Variants in LARGE1 observed in about 807,000 individuals in gnomAD.
LARGE1 encodes xylosyl- and glucuronyltransferase LARGE1.
Under a neutral mutation model 87.6 loss-of-function variants are expected in LARGE1, and 43 were observed. The ratio of observed to expected loss-of-function variants is 0.49; its 90% CI spans 0.38 to 0.63. The LOEUF (loss-of-function observed/expected upper bound fraction) is 0.63. LARGE1 is among the 30% of genes least tolerant of loss of function. The probability of loss-of-function intolerance (pLI) is 0.00; values close to 1 mark genes in which losing one functional copy is unlikely to be tolerated. For synonymous variants in LARGE1, 434 were observed against 394.6 expected, an observed-to-expected ratio of 1.10 and a Z score of -1.18; for missense variants, 802 against 1,000.2, an observed-to-expected ratio of 0.80 and a Z score of 2.67.
chr22:33,865,915 C>G (rs902311604), intron 1 of LARGE1, among the ~76,000 whole-genome samples: 1 of 117,576 alleles, frequency 8.5e-6, no homozygotes, highest in African/African-American at 3.2e-5. Context: ...GTGGCATGAT[C>G]TGAGTTCACT....
At chr22:33,103,233 A>C in the LARGE1 span, among the ~76,000 whole-genome samples, 1 of 151,922 alleles carries the variant, frequency 6.6e-6, no homozygotes, top group Non-Finnish European at 1.5e-5. Flanking sequence ...GGAGATTGAG[A>C]CCATCCTGGC....
chr22:33,193,817 AGT>A (rs1923918959), intron 11 of LARGE1, among the ~76,000 whole-genome samples: 1 of 150,144 alleles, frequency 6.7e-6, no homozygotes, highest in Non-Finnish European at 1.5e-5. Context: ...GACTATAAAA[AGT>A]AATTTATATA....
chr22:33,922,443 G>A, upstream of LARGE1: 1 of 152,358 alleles, frequency 6.6e-6, no homozygotes, highest in Non-Finnish European at 1.5e-5. Context: ...CAGCAGCAGC[G>A]CCCGCTTTGC....
At chr22:33,531,407 C>A (rs575053493) in intron 6 of LARGE1, among the ~76,000 whole-genome samples, 1 of 152,304 alleles carries the variant, frequency 6.6e-6, no homozygotes, top group Non-Finnish European at 1.5e-5. Flanking sequence ...ATCCACCCGC[C>A]TCGGCCTCCC....
intron 11 of LARGE1, among the ~76,000 whole-genome samples, chr22:33,253,445 C>T (rs5749588): frequency 6.6e-6 from 1 of 152,178 alleles, no homozygotes; most frequent in African/African-American, 2.4e-5. Context: ...GATTACATGG[C>T]TCATGCCTGT....
At chr22:33,482,693 G>T (rs1005596284) in intron 6 of LARGE1, among the ~76,000 whole-genome samples, 1 of 148,916 alleles carries the variant, frequency 6.7e-6, no homozygotes, top group Non-Finnish European at 1.5e-5. Flanking sequence ...ATGTACCCCA[G>T]AACTTAAAGT....
chr22:33,497,071 C>CTTTTTTTTTTT (rs5845088), intron 6 of LARGE1, among the ~76,000 whole-genome samples: 26 of 133,902 alleles, frequency 1.9e-4, no homozygotes, highest in African/African-American at 2.5e-4. Context: ...CTTTTCTTTT[C>CTTTTTTTTTTT]TTTTTTTTTT....
intron 1 of LARGE1, among the ~76,000 whole-genome samples, chr22:33,885,416 G>A (rs2064816815): frequency 1.3e-5 from 2 of 152,052 alleles, no homozygotes; most frequent in Non-Finnish European, 2.9e-5. Context: ...GTGAAGTCCC[G>A]AGCCCCAAGT....
chr22:33,566,067 A>C (rs987867662), intron 5 of LARGE1, among the ~76,000 whole-genome samples: 4 of 110,036 alleles, frequency 3.6e-5, no homozygotes, highest in African/African-American at 1.3e-4. Context: ...GGATTCCAAA[A>C]AATATTGATC....
chr22:33,716,285 T>A (rs1181299815), intron 2 of LARGE1, among the ~76,000 whole-genome samples: 2 of 152,224 alleles, frequency 1.3e-5, no homozygotes, highest in Non-Finnish European at 2.9e-5. Context: ...ACTAAAAAAA[T>A]TGGCCATTGT....
the LARGE1 span, among the ~76,000 whole-genome samples, chr22:33,088,152 G>A: frequency 1.3e-5 from 2 of 151,782 alleles, no homozygotes; most frequent in Non-Finnish European, 2.9e-5. Flanking sequence ...TAGTTGCATC[G>A]TACTCAACCA....
chr22:33,526,065 G>T (rs1408218316), intron 6 of LARGE1, among the ~76,000 whole-genome samples: 1 of 152,176 alleles, frequency 6.6e-6, no homozygotes, highest in African/African-American at 2.4e-5. Flanking sequence ...CATTACAAAT[G>T]TGGTATATAT....
At chr22:33,292,777 G>A (rs1051074485) in intron 12 of LARGE1, among the ~76,000 whole-genome samples, 2 of 152,158 alleles carry the variant, frequency 1.3e-5, no homozygotes, top group African/African-American at 4.8e-5. Flanking sequence ...GAAAAAAAGA[G>A]CATGATCTTT....
intron 1 of LARGE1, among the ~76,000 whole-genome samples, chr22:33,776,857 AC>A (rs1186848202): frequency 6.6e-6 from 1 of 152,036 alleles, no homozygotes; most frequent in Non-Finnish European, 1.5e-5. Flanking sequence ...CCTTTTCTCT[AC>A]GCTTTGCCAT....
At chr22:33,580,783 T>A (rs1455396446) in intron 5 of LARGE1, among the ~76,000 whole-genome samples, 1 of 152,232 alleles carries the variant, frequency 6.6e-6, no homozygotes, top group Non-Finnish European at 1.5e-5. Context: ...TGTTGATCAT[T>A]GCTTGCTATT....
intron 1 of LARGE1, among the ~76,000 whole-genome samples, chr22:33,811,056 G>A (rs566452058): frequency 6.6e-6 from 1 of 152,232 alleles, no homozygotes; most frequent in East Asian, 1.9e-4. Context: ...ATATAAACAT[G>A]ATTAATGCGT....
intron 11 of LARGE1, among the ~76,000 whole-genome samples, chr22:33,258,451 G>T (rs764255336): frequency 6.6e-6 from 1 of 152,178 alleles, no homozygotes; most frequent in Non-Finnish European, 1.5e-5. Context: ...TGTTAGATGC[G>T]GAGAAATGGA....
chr22:33,285,066 G>A (rs557439739), intron 12 of LARGE1, among the ~76,000 whole-genome samples: 8 of 152,172 alleles, frequency 5.3e-5, no homozygotes, highest in African/African-American at 1.4e-4. Flanking sequence ...ACACCTGGCC[G>A]GGGCAGGCAT....
At chr22:33,359,880 C>T (rs780840175) in intron 9 of LARGE1, among the ~76,000 whole-genome samples, 2 of 149,482 alleles carry the variant, frequency 1.3e-5, no homozygotes, top group African/African-American at 4.9e-5. Context: ...CTCATCTTAA[C>T]GTGTGTTCTG....
Sources: gnomAD v4.1 joint callset for allele counts (sites outside exome capture counted in the v4.1 genomes callset) on GRCh38, gnomAD v4.1.1 for gene constraint, MANE v1.5 for transcripts, NCBI Gene and HGNC (gene_info 2026-07-23, HGNC 2026-07-21) for gene names.